Variants in KMT2C observed in about 807,000 individuals in gnomAD.
KMT2C encodes histone-lysine N-methyltransferase 2C.
KMT2C carries 88 observed loss-of-function variants against 507.9 expected under a neutral mutation model. The observed-to-expected ratio is 0.17, with a 90% confidence interval of 0.15 to 0.21. KMT2C has a LOEUF of 0.21. KMT2C is among the 10% of genes least tolerant of loss of function. KMT2C has a pLI of 1.00. For synonymous variants in KMT2C, 2,049 were observed against 2,080.8 expected (o/e 0.98, Z 0.42); for missense variants, 4,954 against 5,957.8 (o/e 0.83, Z 5.55).
At chr7:152,402,080 A>G (rs1490606176) in intron 1 of KMT2C, among the ~76,000 whole-genome samples, 8 of 152,304 alleles carry the variant, frequency 5.3e-5, no homozygotes, top group African/African-American at 1.9e-4. Flanking sequence ...ATTGCACTCC[A>G]GCCTGGGCAA....
chr7:152,145,216 T>C lies in KMT2C; in HGVS notation c.14111A>G (p.Asn4704Ser). Reference sequence around the variant, plus strand: ...TTCAGAACGGGCACAACCTGTGGGGTTAACGGCAAGAGGAAGTTCCATGAG... The same window carrying C: ...TTCAGAACGGGCACAACCTGTGGGGCTAACGGCAAGAGGAAGTTCCATGAG... ...NPLMELPLAV[N>S]PTGCARSEPK... Residue 4704 changes from asparagine (N) to serine (S), a missense_variant, in exon 54 of 59, where the codon AAC (asparagine) becomes AGC (serine). Asn to Ser is a conservative substitution (Grantham distance 46). Coordinates refer to ENST00000262189, the MANE Select transcript of KMT2C (RefSeq NM_170606.3). 1 of 1,614,112 alleles carries C rather than the reference T, an allele frequency of 6.2e-7. No individual in the cohort carries two copies. The highest frequency in any genetic ancestry group is 1.1e-5 in the South Asian group (1 of 91,070).
At chr7:152,213,919 G>A (rs2094512580) in intron 23 of KMT2C, among the ~76,000 whole-genome samples, 1 of 152,006 alleles carries the variant, frequency 6.6e-6, no homozygotes. Context: ...GCAAGGACCT[G>A]AATAGCCATT....
intron 37 of KMT2C, among the ~76,000 whole-genome samples, chr7:152,178,986 T>G (rs937208153): frequency 1.4e-5 from 2 of 148,094 alleles, no homozygotes; most frequent in East Asian, 3.9e-4. Context: ...TCTCTAAAAT[T>G]TATTATTATT....
At position 152,187,736 on chromosome 7, in the gene KMT2C, T is replaced by G; in HGVS notation, c.4772A>C (p.Gln1591Pro). 6.2e-7 allele frequency: 1 copy of G among 1,614,074 alleles called. No homozygotes were observed. The highest frequency in any genetic ancestry group is 8.5e-7 in the Non-Finnish European group (1 of 1,179,992). The change falls in exon 32 of 59, where the codon CAA becomes CCA. Residue 1591 changes from glutamine to proline, a missense_variant. Coordinates refer to ENST00000262189, the MANE Select transcript of KMT2C (RefSeq NM_170606.3). ...GTACCTGGCATCAGGATAAGAGGAT[T>G]GTGCAATTGCAGAGAAAGTTCCCAG... ...SGLGTFSAIA[Q>P]SSYPDARDKN... is the part of the protein sequence containing the mutation.
intron 55 of KMT2C, 70 bp from the exon 56 acceptor site, chr7:152,139,861 G>GT: frequency 9.1e-7 from 1 of 1,101,402 alleles, no homozygotes; most frequent in Non-Finnish European, 1.4e-6. Context: ...TCATACAAAG[G>GT]TTTCACCCTC....
At chr7:152,315,726 G>A (rs2096716463) in intron 3 of KMT2C, among the ~76,000 whole-genome samples, 1 of 152,138 alleles carries the variant, frequency 6.6e-6, no homozygotes, top group Non-Finnish European at 1.5e-5. Context: ...AGACCAGCCT[G>A]TCCAACGTGG....
chr7:152,320,211 AAAAATCC>A (rs1336268992), intron 3 of KMT2C, among the ~76,000 whole-genome samples: 1 of 152,116 alleles, frequency 6.6e-6, no homozygotes, highest in African/African-American at 2.4e-5. Flanking sequence ...AAAATCCAAA[AAAAATCC>A]AAAATCCAAA....
Position 152,136,557 on chromosome 7 carries a change from AAAAAAAAAAGAAAAG to A in KMT2C, c.*260_*274del. 1 of 289,506 alleles carries A rather than the reference AAAAAAAAAAGAAAAG, an allele frequency of 3.5e-6. No homozygotes were observed. Among genetic ancestry groups the A allele is most frequent in the South Asian group, 8.1e-5 (1 of 12,398 alleles). 17.9% of individuals were successfully genotyped at this position (289,506 alleles called of 1,614,324 possible). A position where few individuals can be genotyped will look rare whatever the true frequency, so the allele number is the denominator to read the frequency against. On this transcript the variant is annotated 3_prime_UTR_variant, in exon 59 of 59. Transcript: ENST00000262189. The stretch of plus-strand genomic sequence containing the variant: ...GGGAAAAACAAAACAAAAAACAAAC[AAAAAAAAAAGAAAAG>A]GAAAAGAAAAAAAAGCAAAAGTGCT...
rs551868071 is a variant in KMT2C, at chr7:152,152,834, T to G, written c.12397A>C (p.Asn4133His). Residue 4133 changes from asparagine to histidine, a missense_variant, in exon 49 of 59, where the codon AAC (asparagine) becomes CAC (histidine). Around this residue, in one of 29 missense-constraint regions of KMT2C, gnomAD observed 417 missense variants for 461.1 expected, o/e 0.90. Transcript: ENST00000262189. Reference sequence around the variant, plus strand: ...TGCTGTCGATACTCCAAACCCGGGTTGATTCTGTGGCTACTGACCAAACCC... The same window carrying G: ...TGCTGTCGATACTCCAAACCCGGGTGGATTCTGTGGCTACTGACCAAACCC... ...SMGLVSSHRINPGLEYRQHLL... is the reference protein window; with the variant it reads ...SMGLVSSHRIHPGLEYRQHLL... 1 of 1,614,110 alleles carries G rather than the reference T, an allele frequency of 6.2e-7. No individual in the cohort carries two copies.
At chr7:152,413,405 G>A (rs1210020123) in intron 1 of KMT2C, among the ~76,000 whole-genome samples, 1 of 151,998 alleles carries the variant, frequency 6.6e-6, no homozygotes, top group African/African-American at 2.4e-5. Context: ...AAGCCACTGC[G>A]CCCAGCCACA....
At chr7:152,394,838 C>G (rs1429466251) in intron 1 of KMT2C, among the ~76,000 whole-genome samples, 1 of 152,148 alleles carries the variant, frequency 6.6e-6, no homozygotes, top group Non-Finnish European at 1.5e-5. Context: ...CGACAACAAG[C>G]TGAGTATAAA....
intron 9 of KMT2C, among the ~76,000 whole-genome samples, chr7:152,255,109 T>TATATATACATA (rs1588626891): frequency 1.3e-5 from 1 of 78,344 alleles, no homozygotes; most frequent in African/African-American, 4.3e-5. Flanking sequence ...CAACTCTCAC[T>TATATATACATA]TATATATATA....
At chr7:152,169,555 C>T (rs530685794) in intron 40 of KMT2C, among the ~76,000 whole-genome samples, 14 of 152,178 alleles carry the variant, frequency 9.2e-5, no homozygotes, top group African/African-American at 2.6e-4. Flanking sequence ...TAATACTAAG[C>T]GAGAGATCTA....
At chr7:152,212,739 A>C (rs1452128247) in intron 23 of KMT2C, among the ~76,000 whole-genome samples, 1 of 152,250 alleles carries the variant, frequency 6.6e-6, no homozygotes, top group Non-Finnish European at 1.5e-5. Context: ...AAATATTGAC[A>C]AAAGAAACTA....
At chr7:152,307,027 C>T (rs1386169354) in intron 6 of KMT2C, among the ~76,000 whole-genome samples, 1 of 151,978 alleles carries the variant, frequency 6.6e-6, no homozygotes, top group Non-Finnish European at 1.5e-5. Flanking sequence ...GGCGAGGTGG[C>T]GCATGCCTGT....
At chr7:152,348,669 C>G (rs1286093740) in intron 2 of KMT2C, among the ~76,000 whole-genome samples, 1 of 143,258 alleles carries the variant, frequency 7.0e-6, no homozygotes, top group East Asian at 2.1e-4. Flanking sequence ...GACACCTCAC[C>G]AATAAACATA....
intron 1 of KMT2C, among the ~76,000 whole-genome samples, chr7:152,400,026 A>G (rs1166161478): frequency 1.3e-5 from 2 of 152,188 alleles, no homozygotes; most frequent in African/African-American, 4.8e-5. Context: ...AGATCACTAG[A>G]GGCCGGGCGT....
chr7:152,342,645 TG>T (rs2097007628), intron 2 of KMT2C, among the ~76,000 whole-genome samples: 1 of 152,154 alleles, frequency 6.6e-6, no homozygotes, highest in Admixed American at 6.6e-5. Flanking sequence ...GACAAAACGT[TG>T]GAGGTTCAGT....
Position 152,181,560 on chromosome 7 carries a change from G to T in KMT2C, c.6300C>A (p.Thr2100=). Residue 2100 remains threonine, a synonymous_variant, in exon 36 of 59, where the codon ACC becomes ACA. Transcript: ENST00000262189. The stretch of plus-strand genomic sequence containing the variant: ...AAGATTCATTCACTGCTGGATGTGG[G>T]GTAAGGGGAGGCTGACTATATGGAT... The part of the protein sequence containing the change: ...SNDPYSQPPL[T]PHPAVNESFA... The T allele has an allele frequency of 6.2e-7, 1 of 1,613,944 alleles. No homozygotes were observed. The highest frequency in any genetic ancestry group is 8.5e-7 in the Non-Finnish European group (1 of 1,179,950).
Sources: allele counts gnomAD v4.1 joint callset (sites outside exome capture counted in the v4.1 genomes callset), GRCh38; gene constraint gnomAD v4.1.1; regional missense constraint gnomAD v4.1.1; transcripts MANE v1.5; gene names NCBI Gene and HGNC (gene_info 2026-07-23, HGNC 2026-07-21).